The following PPM1K variants were observed in gnomAD, a reference collection of about 807,000 sequenced individuals.
PPM1K encodes protein phosphatase, Mg2+/Mn2+ dependent 1K.
In PPM1K, 19 loss-of-function variants were observed where a neutral mutation model predicts 32.6. The observed-to-expected ratio is 0.58, with a 90% CI of 0.41 to 0.86. PPM1K has a LOEUF of 0.86. Ranked by LOEUF, PPM1K falls within the 40% of genes least tolerant of loss-of-function variation. The pLI is 0.00. For missense variants in PPM1K, 362 were observed against 461.2 expected (o/e 0.78, Z 1.97); for synonymous variants, 159 against 165.3 (o/e 0.96, Z 0.29).
intron 3 of PPM1K, chr4:88,276,217 C>T: frequency 5.1e-6 from 5 of 985,418 alleles, no homozygotes; most frequent in Non-Finnish European, 6.0e-6. Context: ...AATCTCTATC[C>T]TTATGTATTC....
chr4:88,268,477 C>A (rs1731424469), intron 4 of PPM1K, 143 bp from the exon 5 acceptor site: 8 of 973,274 alleles, frequency 8.2e-6, no homozygotes, highest in Non-Finnish European at 1.2e-5. Flanking sequence ...AAAAATTAGC[C>A]GAGCGTGTTG....
intron 5 of PPM1K, among the ~76,000 whole-genome samples, chr4:88,266,829 T>G (rs1377083288): frequency 6.8e-6 from 1 of 147,654 alleles, no homozygotes; most frequent in Non-Finnish European, 1.5e-5. Flanking sequence ...GATGACTGGG[T>G]GCAGGCGATG....
chr4:88,257,866 C>A lies in PPM1K; in HGVS notation c.*4729G>T, dbSNP rs574786324. 12 of 152,310 alleles carry A rather than the reference C, an allele frequency of 7.9e-5. No individual in the cohort carries two copies. The highest frequency in any genetic ancestry group is 2.9e-4 in the African/African-American group (12 of 41,562). The allele number at this position is 152,310 out of a possible 1,614,324, so 9.4% of individuals were successfully genotyped here. ...ACACATCAGGCTGCTAAATTCTGTA[C>A]TAGAATCCAACAGCAAATGAGTCAT... On this transcript the variant is annotated 3_prime_UTR_variant, in exon 7 of 7. Transcript: ENST00000608933.
intron 1 of PPM1K, among the ~76,000 whole-genome samples, chr4:88,281,115 G>GA (rs942905661): frequency 4.6e-4 from 68 of 146,314 alleles, no homozygotes; most frequent in East Asian, 5.9e-4. Context: ...ATATCATATA[G>GA]AAAAAAAAAA....
chr4:88,277,042 A>G (rs759628151), intron 3 of PPM1K, 101 bp downstream of exon 3: 2 of 914,076 alleles, frequency 2.2e-6, no homozygotes, highest in Non-Finnish European at 3.4e-6. Context: ...ACAATTGTCC[A>G]TTAAAATCCC....
intron 4 of PPM1K, 129 bp from the exon 5 acceptor site, chr4:88,268,463 A>AT (rs1297950250): frequency 7.5e-5 from 83 of 1,102,398 alleles, no homozygotes; most frequent in South Asian, 3.9e-4. Context: ...TCTACTAAAA[A>AT]ACAAAAAATT....
At chr4:88,268,587 C>G (rs1374458230) in intron 4 of PPM1K, among the ~76,000 whole-genome samples, 154 bp downstream of exon 4, 1 of 152,154 alleles carries the variant, frequency 6.6e-6, no homozygotes, top group Non-Finnish European at 1.5e-5. Flanking sequence ...CGCCACTGCA[C>G]TCCAGCCTGG....
Position 88,262,407 on chromosome 4 carries a change from T to A in PPM1K, c.*188A>T, listed in dbSNP as rs1224599892. Reference sequence around the variant, plus strand: ...AGACTCACAGTAGCTTCACTACACATATATTTATACTGAACATGTACAGCG... The same window carrying A: ...AGACTCACAGTAGCTTCACTACACAAATATTTATACTGAACATGTACAGCG... On this transcript the variant is annotated 3_prime_UTR_variant, in exon 7 of 7. Coordinates refer to ENST00000608933, the MANE Select transcript of PPM1K (RefSeq NM_152542.5). 5 of 551,382 alleles carry A rather than the reference T, an allele frequency of 9.1e-6. No individual in the cohort carries two copies. The highest frequency in any genetic ancestry group is 3.4e-5 in the Admixed American group (1 of 29,068). The allele number at this position is 551,382 out of a possible 1,614,324, so 34.2% of individuals were successfully genotyped here.
chr4:88,268,836 G>A lies in PPM1K; in HGVS notation c.612C>T (p.Ala204=). ...AAATAGCCCGGCTGTCCCCAACACT[G>A]GCTACAACCAGTTCAATACCATCTC... The part of the protein sequence containing the change: ...LLRDGIELVV[A]SVGDSRAILC... The change falls in exon 4 of 7, where the codon GCC becomes GCT. Residue 204 remains alanine, a synonymous_variant. Transcript: ENST00000608933. 6.2e-7 allele frequency: 1 copy of A among 1,613,882 alleles called. No homozygotes were observed. Among genetic ancestry groups the A allele is most frequent in the Non-Finnish European group, 8.5e-7 (1 of 1,179,918 alleles).
intron 1 of PPM1K, chr4:88,279,824 A>T (rs1026093851): frequency 2.6e-5 from 4 of 152,216 alleles, no homozygotes; most frequent in African/African-American, 9.7e-5. Context: ...ATGTTGGTGG[A>T]TGGTCTACAG....
chr4:88,270,790 A>C (rs1731529384), intron 3 of PPM1K, among the ~76,000 whole-genome samples: 1 of 152,216 alleles, frequency 6.6e-6, no homozygotes, highest in Non-Finnish European at 1.5e-5. Flanking sequence ...GTTTTTACCA[A>C]CCCAACTTCA....
Position 88,278,568 on chromosome 4 carries a change from A to G in PPM1K, c.16T>C (p.Leu6=). 1 of 1,608,936 alleles carries G rather than the reference A, an allele frequency of 6.2e-7. No individual in the cohort carries two copies. The highest frequency in any genetic ancestry group is 8.5e-7 in the Non-Finnish European group (1 of 1,177,330). ...CCACCACTTCTGACCAAAGTAATTAAGGCAGCTGTTGACATAACTCAGCTC... is the reference window on the plus strand; with the variant it reads ...CCACCACTTCTGACCAAAGTAATTAGGGCAGCTGTTGACATAACTCAGCTC... The part of the protein sequence containing the change: MSTAA[L]ITLVRSGGNQ... The change falls in exon 2 of 7, where the codon TTA becomes CTA. Residue 6 remains leucine, a synonymous_variant. Coordinates refer to ENST00000608933, the MANE Select transcript of PPM1K (RefSeq NM_152542.5). The surrounding 1 kb of genome is among the most constrained non-coding windows in gnomAD (Gnocchi z 4.2).
rs1731084294 is a variant in PPM1K, at chr4:88,260,668, ATTTATC to A, written c.*1921_*1926del. 1 of 152,092 alleles carries A rather than the reference ATTTATC, an allele frequency of 6.6e-6. No homozygotes were observed. Among genetic ancestry groups the A allele is most frequent in the African/African-American group, 2.4e-5 (1 of 41,398 alleles). The allele number at this position is 152,092 out of a possible 1,614,324, so 9.4% of individuals were successfully genotyped here. On this transcript the variant is annotated 3_prime_UTR_variant, in exon 7 of 7. Transcript: ENST00000608933. ...ATTAATATAGGCAGAAAAACTCAAG[ATTTATC>A]TTCTTCCATTTCCAAAAAGGTAAGA...
rs1578308084 is a variant in PPM1K, at chr4:88,260,521, C to T, written c.*2074G>A. On this transcript the variant is annotated 3_prime_UTR_variant, in exon 7 of 7. Coordinates refer to ENST00000608933, the MANE Select transcript of PPM1K (RefSeq NM_152542.5). ...GTTGCCTCCCTTTGGTTCCTCACCT[C>T]TCAGACAACAAACAGAATGTTAACA... 6.6e-6 allele frequency: 1 copy of T among 151,982 alleles called. No homozygotes were observed. The highest frequency in any genetic ancestry group is 1.5e-5 in the Non-Finnish European group (1 of 68,034). The allele number at this position is 151,982 out of a possible 1,614,324, so 9.4% of individuals were successfully genotyped here.
At position 88,268,243 on chromosome 4, in the gene PPM1K, A is replaced by T; in HGVS notation, c.799T>A (p.Leu267Met). ...ATGACACCACTGGTCTTAAGGTCCA[A>T]ATCTCCAATACTTCTTGTCATTGCA... is the stretch of plus-strand genomic sequence containing the variant. ...RLAMTRSIGDLDLKTSGVIAE... is the reference protein window; with the variant it reads ...RLAMTRSIGDMDLKTSGVIAE... The change falls in exon 5 of 7, where the codon TTG becomes ATG. Residue 267 changes from leucine (L) to methionine (M), a missense_variant. Physicochemically the swap from Leu to Met is conservative, Grantham distance 15 (BLOSUM62 2). Transcript: ENST00000608933. 6.2e-7 allele frequency: 1 copy of T among 1,614,126 alleles called. No homozygotes were observed. The highest frequency in any genetic ancestry group is 2.2e-5 in the East Asian group (1 of 44,878).
chr4:88,280,531 G>C (rs1338572669), intron 1 of PPM1K, among the ~76,000 whole-genome samples: 1 of 152,196 alleles, frequency 6.6e-6, no homozygotes, highest in Non-Finnish European at 1.5e-5. Context: ...TTGAGAGGCC[G>C]AGGTAGGCAA....
At chr4:88,267,740 C>A (rs1211052911) in intron 5 of PPM1K, among the ~76,000 whole-genome samples, 2 of 152,222 alleles carry the variant, frequency 1.3e-5, no homozygotes, top group African/African-American at 4.8e-5. Context: ...ATTTTCCTGA[C>A]TTTTAAAAGA....
chr4:88,280,037 T>C (rs1731948339), intron 1 of PPM1K, among the ~76,000 whole-genome samples: 1 of 152,200 alleles, frequency 6.6e-6, no homozygotes, highest in Non-Finnish European at 1.5e-5. Context: ...GGGAAGGCCA[T>C]TACTTCTTTC....
Position 88,278,051 on chromosome 4 carries a change from C to T in PPM1K, c.440+93G>A. 9.8e-7 allele frequency: 1 copy of T among 1,016,568 alleles called. No individual in the cohort carries two copies. Among genetic ancestry groups the T allele is most frequent in the Admixed American group, 2.4e-5 (1 of 40,994 alleles). The allele number at this position is 1,016,568 out of a possible 1,614,324, so 63.0% of individuals were successfully genotyped here. On this transcript the variant is annotated intron_variant, in intron 2 of 6. Coordinates refer to ENST00000608933, the MANE Select transcript of PPM1K (RefSeq NM_152542.5). The surrounding 1 kb of genome is among the most constrained non-coding windows in gnomAD (Gnocchi z 4.2). ...CAGCAGCATGCAACCACTCAAGTAA[C>T]TATGTTTACGCTGGAAGCCTCAGCC... is the stretch of plus-strand genomic sequence containing the variant.
Sources: gnomAD v4.1 joint callset for allele counts (sites outside exome capture counted in the v4.1 genomes callset) on GRCh38, gnomAD v4.1.1 for gene constraint, Gnocchi (gnomAD v3.1) non-coding constraint, MANE v1.5 for transcripts, NCBI Gene and HGNC (gene_info 2026-07-23, HGNC 2026-07-21) for gene names.